Variants in ARHGEF1 observed in about 807,000 individuals in gnomAD.
The protein encoded by ARHGEF1 is 115 kDa guanine nucleotide exchange factor.
Under a neutral mutation model 119.7 loss-of-function variants are expected in ARHGEF1, and 40 were observed. That is an observed-to-expected ratio of 0.33 (90% CI 0.26 to 0.44). The LOEUF is 0.44. ARHGEF1 is among the 20% of genes least tolerant of loss of function. ARHGEF1 has a pLI of 1.00. For missense variants in ARHGEF1, 976 were observed against 1,268.3 expected (o/e 0.77, Z 3.50); for synonymous variants, 494 against 521.0 (o/e 0.95, Z 0.71).
At chr19:41,927,562 C>A (rs1160718988) in intron 1 of ARHGEF1, among the ~76,000 whole-genome samples, 1 of 152,130 alleles carries the variant, frequency 6.6e-6, no homozygotes, top group African/African-American at 2.4e-5. Flanking sequence ...ATATCTAGAT[C>A]TTCCGCCCCA....
chr19:41,904,451 G>A lies in ARHGEF1; in HGVS notation c.2161+68G>A, dbSNP rs2074657089. ...TTTGGGCAGAGCTGCCTGTGGAGTG[G>A]GGAGCAGAACCCTCTAGAGAGCCAG... On this transcript the variant is annotated intron_variant, in intron 22 of 28. Transcript: ENST00000354532. This position sits in a 1 kb window ranked among gnomAD's most constrained non-coding sequence, Gnocchi z 8.4. 4 of 1,473,376 alleles carry A rather than the reference G, an allele frequency of 2.7e-6. No homozygotes were observed. Among genetic ancestry groups the A allele is most frequent in the Non-Finnish European group, 3.6e-6 (4 of 1,108,330 alleles). 91.3% of individuals were successfully genotyped at this position (1,473,376 alleles called of 1,614,324 possible). A position where few individuals can be genotyped will look rare whatever the true frequency, so the allele number is the denominator to read the frequency against.
chr19:41,890,525 A>T (rs2074360023), intron 4 of ARHGEF1: 1 of 152,066 alleles, frequency 6.6e-6, no homozygotes, highest in Middle Eastern at 3.2e-3. Context: ...TCACGCATAT[A>T]ATCCCAGCAC....
In ARHGEF1 at chr19:41,902,052, T is replaced by A. The variant is rs782579470; in HGVS notation, c.1414+19T>A. Reference sequence around the variant, plus strand: ...GTGCATTGTGAGTGCAGAGCCAGGGTCCCTCTGTGTACCCCACTGCCCCAC... The same window carrying A: ...GTGCATTGTGAGTGCAGAGCCAGGGACCCTCTGTGTACCCCACTGCCCCAC... On this transcript the variant is annotated intron_variant, in intron 15 of 28. Coordinates refer to ENST00000354532, the MANE Select transcript of ARHGEF1 (RefSeq NM_004706.4). The surrounding 1 kb of genome is among the most constrained non-coding windows in gnomAD (Gnocchi z 6.5). 66 of 1,607,556 alleles carry A rather than the reference T, an allele frequency of 4.1e-5. No homozygotes were observed. The highest frequency in any genetic ancestry group is 5.2e-5 in the Non-Finnish European group (61 of 1,175,642).
Position 41,906,194 on chromosome 19 carries a change from C to A in ARHGEF1, c.2491+169C>A. 1.5e-6 allele frequency: 1 copy of A among 680,980 alleles called. No individual in the cohort carries two copies. The highest frequency in any genetic ancestry group is 2.5e-6 in the Non-Finnish European group (1 of 400,758). 42.2% of individuals were successfully genotyped at this position (680,980 alleles called of 1,614,324 possible). A position where few individuals can be genotyped will look rare whatever the true frequency, so the allele number is the denominator to read the frequency against. ...TGTCCTGGGTGCCCACGTCCCTCTT[C>A]TGCAGCCACCATCCCTTGCTTGATT... On this transcript the variant is annotated intron_variant, in intron 26 of 28. Coordinates refer to ENST00000354532, the MANE Select transcript of ARHGEF1 (RefSeq NM_004706.4). This position sits in a 1 kb window ranked among gnomAD's most constrained non-coding sequence, Gnocchi z 4.5.
chr19:41,901,953 C>G lies in ARHGEF1; in HGVS notation c.1334C>G (p.Pro445Arg). ...GTGCTGCACGACCTCTTCTTCCAGC[C>G]CATGGCAGAATGCCTGTTCTTCCCC... ...LRVLHDLFFQ[P>R]MAECLFFPLE... Residue 445 changes from proline (P) to arginine (R), a missense_variant, in exon 15 of 29, where the codon CCC (proline) becomes CGC (arginine). Coordinates refer to ENST00000354532, the MANE Select transcript of ARHGEF1 (RefSeq NM_004706.4). The G allele has an allele frequency of 6.2e-7, 1 of 1,613,968 alleles. No individual in the cohort carries two copies. Among genetic ancestry groups the G allele is most frequent in the Non-Finnish European group, 8.5e-7 (1 of 1,180,020 alleles).
chr19:41,885,618 C>T (rs1198062247), intron 1 of ARHGEF1, among the ~76,000 whole-genome samples: 2 of 152,128 alleles, frequency 1.3e-5, no homozygotes, highest in Non-Finnish European at 2.9e-5. Context: ...CGTGCCACCA[C>T]GCCCAGCTAA....
Position 41,902,831 on chromosome 19 carries a change from G to A in ARHGEF1, c.1671G>A (p.Met557Ile). ...PRCRRLQLKD[M>I]IPTEMQRLTK... ...GCCGCCGCCTGCAGCTGAAGGACATGATCCCCACGGAGATGCAGCGGCTGA... is the reference window on the plus strand; with the variant it reads ...GCCGCCGCCTGCAGCTGAAGGACATAATCCCCACGGAGATGCAGCGGCTGA... Residue 557 changes from methionine (M) to isoleucine (I), a missense_variant, in exon 18 of 29, where the codon ATG (methionine) becomes ATA (isoleucine). By Grantham distance (10) the Met-to-Ile change is conservative. Coordinates refer to ENST00000354532, the MANE Select transcript of ARHGEF1 (RefSeq NM_004706.4). This position sits in a 1 kb window ranked among gnomAD's most constrained non-coding sequence, Gnocchi z 6.5. 1 of 1,613,326 alleles carries A rather than the reference G, an allele frequency of 6.2e-7. No homozygotes were observed. Among genetic ancestry groups the A allele is most frequent in the East Asian group, 2.2e-5 (1 of 44,890 alleles).
chr19:41,898,487 G>A lies in ARHGEF1; in HGVS notation c.1167G>A (p.Glu389=). Residue 389 remains glutamate (E), a synonymous_variant, in exon 14 of 29, where the codon GAG becomes GAA. Coordinates refer to ENST00000354532, the MANE Select transcript of ARHGEF1 (RefSeq NM_004706.4). ...GGGAGCCGGGGCGGTCGGGACTGGA[G>A]CTTGAACCAGAAGAGCCTCCCGGCT... is the stretch of plus-strand genomic sequence containing the variant. ...DEGEPGRSGL[E]LEPEEPPGWR... is the part of the protein sequence containing the mutation. The A allele has an allele frequency of 6.4e-7, 1 of 1,552,160 alleles. No individual in the cohort carries two copies. The highest frequency in any genetic ancestry group is 8.7e-7 in the Non-Finnish European group (1 of 1,147,728).
chr19:41,909,971 C>T (rs2074743216), downstream of ARHGEF1: 2 of 1,613,910 alleles, frequency 1.2e-6, no homozygotes, highest in Non-Finnish European at 1.7e-6. The surrounding 1 kb of genome is among the most constrained non-coding windows in gnomAD (Gnocchi z 5.2). Context: ...CCCGTAGTCC[C>T]CCTGCCAGGC....
downstream of ARHGEF1, among the ~76,000 whole-genome samples, chr19:41,911,702 C>CAT (rs1555851270): frequency 6.6e-6 from 1 of 152,128 alleles, no homozygotes; most frequent in African/African-American, 2.4e-5. Flanking sequence ...ACCCAGAACA[C>CAT]ATCCTACTGG....
At chr19:41,910,120 G>A, downstream of ARHGEF1, 1 of 1,600,808 alleles carries the variant, frequency 6.2e-7, no homozygotes, top group Non-Finnish European at 8.5e-7. The surrounding 1 kb of genome is among the most constrained non-coding windows in gnomAD (Gnocchi z 4.4). Context: ...GGCAGGGAGT[G>A]GCCTGGGGTC....
rs1406537280 is a variant in ARHGEF1 at position 41,916,629 on chromosome 19, GAC to G, written c.1866-6461_1866-6460del. Among the ~76,000 whole-genome samples the G allele has an allele frequency of 6.6e-6, 1 of 151,936 alleles. No homozygotes were observed. The highest frequency in any genetic ancestry group is 2.4e-5 in the African/African-American group (1 of 41,346). On this transcript the variant is annotated intron_variant, in intron 18 of 20. Transcript: ENST00000599589. This position sits in a 1 kb window ranked among gnomAD's most constrained non-coding sequence, Gnocchi z 5.4. ...TCCCAAGCACACAATCGCACACTGA[GAC>G]AACAGCACACAGAAACAGACACACA... is the stretch of plus-strand genomic sequence containing the variant.
downstream of ARHGEF1, among the ~76,000 whole-genome samples, chr19:41,912,431 C>T (rs781818977): frequency 1.3e-5 from 2 of 152,222 alleles, no homozygotes; most frequent in Non-Finnish European, 2.9e-5. Context: ...CGGGTCGTGC[C>T]TGCACGTACC....
At position 41,895,339 on chromosome 19, in the gene ARHGEF1, G is replaced by A. The variant is rs782661884; in HGVS notation, c.878-10G>A. The A allele has an allele frequency of 1.3e-6, 2 of 1,598,810 alleles. No individual in the cohort carries two copies. Among genetic ancestry groups the A allele is most frequent in the Non-Finnish European group, 1.7e-6 (2 of 1,170,316 alleles). ...CTTATCTCCCTCTTTCTCCCTCACTGTCTCCCCAGCCGAGAAGCCAGGTGC... is the reference window on the plus strand; with the variant it reads ...CTTATCTCCCTCTTTCTCCCTCACTATCTCCCCAGCCGAGAAGCCAGGTGC... On this transcript the variant is annotated splice_polypyrimidine_tract_variant and intron_variant, in intron 11 of 28. Transcript: ENST00000354532.
downstream of ARHGEF1, chr19:41,908,075 C>G (rs2074728184): frequency 7.8e-6 from 4 of 513,672 alleles, no homozygotes; most frequent in Admixed American, 8.8e-5. This position sits in a 1 kb window ranked among gnomAD's most constrained non-coding sequence, Gnocchi z 6.7. Context: ...TGAGACCCCC[C>G]CCACTCTGGG....
rs1273418188 is a variant in ARHGEF1, at chr19:41,892,266, G to A, written c.325-65G>A. On this transcript the variant is annotated intron_variant, in intron 5 of 28. Transcript: ENST00000354532. The surrounding 1 kb of genome is among the most constrained non-coding windows in gnomAD (Gnocchi z 6.3). ...CTCGCTTAGACCAGGGTTCCTGGCA[G>A]TCCTCCCGGCCTGCATCTCAGCACA... The A allele has an allele frequency of 2.5e-6, 4 of 1,605,222 alleles. No individual in the cohort carries two copies. In the African/African-American group the frequency reaches 5.3e-5, roughly 21 times the overall value.
At chr19:41,907,857 G>A (rs918988812), downstream of ARHGEF1, 2 of 212,372 alleles carry the variant, frequency 9.4e-6, no homozygotes, top group Admixed American at 5.9e-5. Context: ...CCTATATGGG[G>A]GGGGTGTCAG....
At chr19:41,885,209 C>T (rs1250230344) in intron 1 of ARHGEF1, among the ~76,000 whole-genome samples, 1 of 152,154 alleles carries the variant, frequency 6.6e-6, no homozygotes, top group Non-Finnish European at 1.5e-5. Flanking sequence ...GTGGGACTCC[C>T]CCAAACCCCT....
At chr19:41,922,464 C>T (rs554602268), upstream of ARHGEF1, among the ~76,000 whole-genome samples, 3 of 152,074 alleles carry the variant, frequency 2.0e-5, no homozygotes, top group Admixed American at 6.5e-5. Context: ...GACAGGGAAT[C>T]GGATGACAAG....
Sources: gnomAD v4.1 joint callset for allele counts (sites outside exome capture counted in the v4.1 genomes callset) on GRCh38, gnomAD v4.1.1 for gene constraint, Gnocchi (gnomAD v3.1) non-coding constraint, MANE v1.5 for transcripts, NCBI Gene and HGNC (gene_info 2026-07-23, HGNC 2026-07-21) for gene names.